Variants in HDAC9 observed in about 807,000 individuals in gnomAD.
The protein encoded by HDAC9 is MEF-2 interacting transcription repressor (MITR) protein.
HDAC9 carries 41 observed loss-of-function variants against 139.4 expected under a neutral mutation model. The observed-to-expected ratio is 0.29, with a 90% CI of 0.23 to 0.38. HDAC9 has a LOEUF of 0.38. Among genes scored for constraint, HDAC9 ranks in the 10% least tolerant of loss-of-function variants. HDAC9 has a pLI of 1.00. For synonymous variants in HDAC9, 517 were observed against 476.2 expected (o/e 1.09, Z -1.12); for missense variants, 1,147 against 1,297.0 (o/e 0.88, Z 1.78).
intron 22 of HDAC9, among the ~76,000 whole-genome samples, chr7:18,881,736 G>T (rs1799754354): frequency 6.6e-6 from 1 of 152,070 alleles, no homozygotes; most frequent in African/African-American, 2.4e-5. Flanking sequence ...TAATATTTCT[G>T]TAACTATTCA....
chr7:18,330,159 A>G (rs1390587707), intron 1 of HDAC9, among the ~76,000 whole-genome samples: 2 of 151,700 alleles, frequency 1.3e-5, no homozygotes, highest in African/African-American at 4.8e-5. Flanking sequence ...TAGATTGTGA[A>G]GATTCTTTTC....
intron 2 of HDAC9, among the ~76,000 whole-genome samples, chr7:18,562,026 C>G: frequency 6.6e-6 from 1 of 152,150 alleles, no homozygotes; most frequent in East Asian, 1.9e-4. Context: ...TATAGCCATT[C>G]TAGTGCATGT....
chr7:18,793,507 G>A (rs1792511699), intron 17 of HDAC9, 55 bp downstream of exon 17: 3 of 1,150,344 alleles, frequency 2.6e-6, no homozygotes, highest in Admixed American at 2.0e-5. Flanking sequence ...CTGAAACAGA[G>A]ATGTTGTTAT....
chr7:18,776,070 G>T (rs757236811), intron 16 of HDAC9, among the ~76,000 whole-genome samples: 10 of 151,996 alleles, frequency 6.6e-5, no homozygotes, highest in Non-Finnish European at 1.2e-4. Context: ...GAGCTAGGAG[G>T]TAGGAATACA....
intron 25 of HDAC9, among the ~76,000 whole-genome samples, chr7:18,995,171 A>T (rs1325108521): frequency 6.6e-6 from 1 of 152,230 alleles, no homozygotes; most frequent in Non-Finnish European, 1.5e-5. Context: ...AGAGCTTCAC[A>T]AAAGCGTATT....
At chr7:18,657,057 A>T (rs1453714035) in intron 11 of HDAC9, among the ~76,000 whole-genome samples, 5 of 151,988 alleles carry the variant, frequency 3.3e-5, no homozygotes. Context: ...ACATTTTTTC[A>T]TATGGTGTTG....
At chr7:18,349,307 TACACACACACACACACACACAC>T (rs3138825) in intron 1 of HDAC9, among the ~76,000 whole-genome samples, 15 of 125,818 alleles carry the variant, frequency 1.2e-4, no homozygotes, top group Non-Finnish European at 1.6e-4. Flanking sequence ...TGAGAACATC[TACACACACACACACACACACAC>T]ACACACACAC....
At chr7:18,550,586 T>C (rs1816796144) in intron 2 of HDAC9, among the ~76,000 whole-genome samples, 1 of 152,174 alleles carries the variant, frequency 6.6e-6, no homozygotes, top group African/African-American at 2.4e-5. Flanking sequence ...AGGTGGGGGA[T>C]ATCAGGTGGG....
intron 3 of HDAC9, among the ~76,000 whole-genome samples, chr7:18,587,487 A>G (rs979879145): frequency 1.3e-5 from 2 of 152,216 alleles, no homozygotes; most frequent in Admixed American, 1.3e-4. Context: ...GGATAAAGCT[A>G]AAAGTTGATG....
chr7:18,901,370 T>C (rs929485571), intron 22 of HDAC9, among the ~76,000 whole-genome samples: 2 of 152,026 alleles, frequency 1.3e-5, no homozygotes, highest in Admixed American at 6.6e-5. Flanking sequence ...AATCCTCTTT[T>C]TTCCAAACGC....
chr7:18,580,556 C>G (rs1827485508), intron 2 of HDAC9, among the ~76,000 whole-genome samples: 2 of 152,144 alleles, frequency 1.3e-5, no homozygotes, highest in Non-Finnish European at 2.9e-5. Context: ...TCCTTTCTTA[C>G]ATGTGTCACA....
intron 8 of HDAC9, among the ~76,000 whole-genome samples, chr7:18,636,199 G>A (rs1218745448): frequency 6.6e-6 from 1 of 152,040 alleles, no homozygotes; most frequent in East Asian, 1.9e-4. Context: ...TCTAATAGGA[G>A]ATCCTGCAAA....
chr7:18,404,907 C>T (rs2128738123), intron 1 of HDAC9, among the ~76,000 whole-genome samples: 1 of 152,198 alleles, frequency 6.6e-6, no homozygotes, highest in East Asian at 1.9e-4. Context: ...TGTGGGTGTC[C>T]AGAGCTCACC....
intron 23 of HDAC9, among the ~76,000 whole-genome samples, chr7:18,941,236 C>G (rs1289307745): frequency 6.6e-6 from 1 of 151,780 alleles, no homozygotes; most frequent in African/African-American, 2.4e-5. Flanking sequence ...ACCCTCTCTC[C>G]CTTTCTCCCT....
intron 2 of HDAC9, among the ~76,000 whole-genome samples, chr7:18,180,255 A>ACCCC (rs1789300595): frequency 1.3e-5 from 2 of 150,798 alleles, no homozygotes; most frequent in Non-Finnish European, 3.0e-5. Context: ...ACACACACAC[A>ACCCC]CACACACACA....
intron 12 of HDAC9, among the ~76,000 whole-genome samples, chr7:18,717,662 T>G (rs1414308738): frequency 6.6e-6 from 1 of 151,972 alleles, no homozygotes; most frequent in Non-Finnish European, 1.5e-5. Flanking sequence ...AACTCCTGAC[T>G]TCAGGTGATC....
At chr7:18,915,248 T>G (rs1563052351) in intron 22 of HDAC9, among the ~76,000 whole-genome samples, 1 of 152,050 alleles carries the variant, frequency 6.6e-6, no homozygotes, top group Non-Finnish European at 1.5e-5. Context: ...ACATTTTCTT[T>G]AGATTGCCTG....
chr7:18,125,002 G>A (rs1305448247), intron 1 of HDAC9, among the ~76,000 whole-genome samples: 1 of 151,860 alleles, frequency 6.6e-6, no homozygotes, highest in Non-Finnish European at 1.5e-5. Flanking sequence ...GCACTGTAGA[G>A]AAAGATAAAA....
intron 6 of HDAC9, among the ~76,000 whole-genome samples, chr7:18,616,334 T>G (rs1838594406): frequency 6.6e-6 from 1 of 152,212 alleles, no homozygotes; most frequent in African/African-American, 2.4e-5. Context: ...TTTTCTGCAG[T>G]GTACTTTGAC....
Sources: gnomAD v4.1 joint callset for allele counts (sites outside exome capture counted in the v4.1 genomes callset) on GRCh38, gnomAD v4.1.1 for gene constraint, MANE v1.5 for transcripts, NCBI Gene and HGNC (gene_info 2026-07-23, HGNC 2026-07-21) for gene names.